The following TLE4 variants were observed in gnomAD, a reference collection of about 807,000 sequenced individuals.
TLE4 encodes the protein transducin-like enhancer protein 4.
TLE4 carries 8 observed loss-of-function variants against 92.8 expected under a neutral mutation model. That is an observed-to-expected ratio of 0.09 (90% CI 0.05 to 0.16). The LOEUF (loss-of-function observed/expected upper bound fraction) is 0.16, where lower values mean the gene tolerates loss of function less well. Among genes scored for constraint, TLE4 ranks in the 10% least tolerant of loss-of-function variants. The pLI is 1.00. For missense variants in TLE4, 675 were observed against 997.6 expected (o/e 0.68, Z 4.36); for synonymous variants, 371 against 374.1 (o/e 0.99, Z 0.10).
intron 8 of TLE4, among the ~76,000 whole-genome samples, chr9:79,669,699 A>G (rs2061955178): frequency 6.6e-6 from 1 of 152,178 alleles, no homozygotes; most frequent in Admixed American, 6.5e-5. Context: ...AGAATGGATT[A>G]TACCTTTGTG....
At chr9:79,686,327 C>G (rs2065838953) in intron 8 of TLE4, among the ~76,000 whole-genome samples, 1 of 152,134 alleles carries the variant, frequency 6.6e-6, no homozygotes, top group Non-Finnish European at 1.5e-5. Context: ...AAGCTTTGAA[C>G]CAACAACCAG....
rs546570831 is a variant in TLE4 at position 79,725,380 on chromosome 9, A to G, written c.*236A>G. On this transcript the variant is annotated 3_prime_UTR_variant, in exon 20 of 20. Coordinates refer to ENST00000376552, the MANE Select transcript of TLE4 (RefSeq NM_007005.6). ...CTACTTGGAAGAACATGGAATAAGCATACTTAACAGTGAAAAGAATCTTTA... is the reference window on the plus strand; with the variant it reads ...CTACTTGGAAGAACATGGAATAAGCGTACTTAACAGTGAAAAGAATCTTTA... 1.1e-5 allele frequency: 4 copies of G among 367,418 alleles called. No homozygotes were observed. The East Asian group carries it at 2.2e-4, about 20-fold the overall frequency. 22.8% of individuals were successfully genotyped at this position (367,418 alleles called of 1,614,324 possible).
At chr9:79,585,662 A>T (rs577018868) in intron 4 of TLE4, among the ~76,000 whole-genome samples, 2 of 150,240 alleles carry the variant, frequency 1.3e-5, no homozygotes, top group East Asian at 3.9e-4. Flanking sequence ...CAGAAATTGA[A>T]TTTTTTTTTT....
intron 6 of TLE4, 141 bp from the exon 7 acceptor site, chr9:79,652,452 G>T (rs2059173070): frequency 1.2e-6 from 1 of 830,154 alleles, no homozygotes; most frequent in South Asian, 1.6e-5. Context: ...CTCCCAAAGT[G>T]CTGGGATTAC....
intron 4 of TLE4, among the ~76,000 whole-genome samples, chr9:79,586,892 A>G (rs976861542): frequency 2.0e-5 from 3 of 152,214 alleles, no homozygotes; most frequent in Non-Finnish European, 2.9e-5. Flanking sequence ...CATATAGCAT[A>G]TAATAATCAC....
chr9:79,649,883 TTTGTTG>T (rs748102823), intron 6 of TLE4: 11 of 1,347,172 alleles, frequency 8.2e-6, no homozygotes, highest in East Asian at 4.6e-5. Context: ...CTGAGGGCTT[TTTGTTG>T]TTGTTGTTGT....
At chr9:79,581,314 G>A (rs1310547833) in intron 4 of TLE4, among the ~76,000 whole-genome samples, 12 of 152,358 alleles carry the variant, frequency 7.9e-5, no homozygotes. Context: ...ACTTATTACA[G>A]CACCTGCACG....
chr9:79,581,929 C>T (rs2039779952), intron 4 of TLE4, among the ~76,000 whole-genome samples: 1 of 152,138 alleles, frequency 6.6e-6, no homozygotes, highest in Non-Finnish European at 1.5e-5. Context: ...GGTGAGGTTG[C>T]TTTCACTCGG....
intron 4 of TLE4, among the ~76,000 whole-genome samples, chr9:79,609,756 A>G (rs993538951): frequency 6.6e-6 from 1 of 152,064 alleles, no homozygotes; most frequent in Non-Finnish European, 1.5e-5. Flanking sequence ...AGTAACCCTA[A>G]CAGCAATATT....
At chr9:79,597,577 G>C (rs2044336600) in intron 4 of TLE4, among the ~76,000 whole-genome samples, 1 of 151,956 alleles carries the variant, frequency 6.6e-6, no homozygotes, top group East Asian at 1.9e-4. Context: ...AAATGACATA[G>C]TCCCCCCACA....
chr9:79,626,467 G>A (rs2052633595), intron 5 of TLE4, among the ~76,000 whole-genome samples: 1 of 152,202 alleles, frequency 6.6e-6, no homozygotes, highest in Admixed American at 6.5e-5. Context: ...AACCCAGTAA[G>A]ACTGATTTTA....
At chr9:79,723,695 A>G (rs2075998649) in intron 19 of TLE4, among the ~76,000 whole-genome samples, 1 of 152,186 alleles carries the variant, frequency 6.6e-6, no homozygotes, top group Non-Finnish European at 1.5e-5. Context: ...TCTTTTTTAC[A>G]AGCAATATAA....
intron 8 of TLE4, 176 bp from the exon 9 acceptor site, chr9:79,704,607 C>T: frequency 4.1e-6 from 3 of 738,894 alleles, no homozygotes; most frequent in Non-Finnish European, 6.3e-6. Flanking sequence ...CTTGTCTTTC[C>T]CTTTATATCC....
intron 6 of TLE4, among the ~76,000 whole-genome samples, chr9:79,648,053 C>T (rs988803428): frequency 1.3e-5 from 2 of 152,040 alleles, no homozygotes; most frequent in African/African-American, 4.8e-5. Flanking sequence ...ACTAGTGTTG[C>T]GGGCAGAGAG....
intron 6 of TLE4, among the ~76,000 whole-genome samples, chr9:79,630,782 A>C (rs957396336): frequency 6.6e-6 from 1 of 152,230 alleles, no homozygotes; most frequent in Non-Finnish European, 1.5e-5. Flanking sequence ...TAATCAGTAC[A>C]TGCTGTGTGA....
chr9:79,637,286 A>G (rs558335350), intron 6 of TLE4, among the ~76,000 whole-genome samples: 1 of 152,318 alleles, frequency 6.6e-6, no homozygotes, highest in South Asian at 2.1e-4. Flanking sequence ...TAATCTTCAC[A>G]TCAACCTCAT....
Position 79,652,585 on chromosome 9 carries a change from C to T in TLE4, c.391-8C>T, listed in dbSNP as rs771317047. 1.2e-5 allele frequency: 19 copies of T among 1,613,792 alleles called. No homozygotes were observed. The highest frequency in any genetic ancestry group is 1.7e-5 in the Admixed American group (1 of 59,990). On this transcript the variant is annotated splice_polypyrimidine_tract_variant and splice_region_variant and intron_variant, in intron 6 of 19. Transcript: ENST00000376552. Reference sequence around the variant, plus strand: ...AATTCAATATCTGTGTTTAATTTTTCACAGCAGCAACAACTCCAGGCCCAG... The same window carrying T: ...AATTCAATATCTGTGTTTAATTTTTTACAGCAGCAACAACTCCAGGCCCAG...
chr9:79,682,359 A>C (rs1338880449), intron 8 of TLE4, among the ~76,000 whole-genome samples: 1 of 152,122 alleles, frequency 6.6e-6, no homozygotes, highest in East Asian at 1.9e-4. Context: ...GCCTTTAGGA[A>C]ATTCCCCAGA....
In TLE4 at chr9:79,611,771, A is replaced by G. The variant is rs567480967; in HGVS notation, c.253-885A>G. On this transcript the variant is annotated intron_variant, in intron 4 of 19. Transcript: ENST00000376552. ...CACCATCTGAAAAATACAAATTAAG[A>G]TAAACATTGGTAAAACTGTGAGTAA... 5.9e-5 allele frequency among the ~76,000 whole-genome samples: 9 copies of G among 152,092 alleles called. No homozygotes were observed. In the East Asian group the frequency reaches 1.7e-3, roughly 29 times the overall value.
Sources: gnomAD v4.1 joint callset for allele counts (sites outside exome capture counted in the v4.1 genomes callset) on GRCh38, gnomAD v4.1.1 for gene constraint, MANE v1.5 for transcripts, NCBI Gene and HGNC (gene_info 2026-07-23, HGNC 2026-07-21) for gene names.